Variants in RCN3 observed in about 807,000 individuals in gnomAD.
The protein encoded by RCN3 is reticulocalbin-3.
In RCN3, 41 loss-of-function variants were observed where a neutral mutation model predicts 35.9. That is an observed-to-expected ratio of 1.14 (90% CI 0.89 to 1.48). RCN3 has a LOEUF of 1.48. RCN3 is among the 40% of genes most tolerant of loss of function. The pLI is 0.00. For missense variants in RCN3, 451 were observed against 471.3 expected (o/e 0.96, Z 0.40); for synonymous variants, 187 against 193.4 (o/e 0.97, Z 0.27).
intron 6 of RCN3, 101 bp downstream of exon 6, chr19:49,542,853 T>C: frequency 8.7e-7 from 1 of 1,149,962 alleles, no homozygotes. Context: ...GGGTCCCTTT[T>C]AGGTGGGATA....
At chr19:49,536,435 G>A (rs2080135787) in intron 3 of RCN3, among the ~76,000 whole-genome samples, 1 of 150,504 alleles carries the variant, frequency 6.6e-6, no homozygotes, top group African/African-American at 2.4e-5. Context: ...CGAGTAGCTA[G>A]GACTACAGGC....
chr19:49,536,419 G>C (rs894913608), intron 3 of RCN3, among the ~76,000 whole-genome samples: 6 of 148,542 alleles, frequency 4.0e-5, no homozygotes, highest in African/African-American at 1.2e-4. Flanking sequence ...TCCTGCCTCA[G>C]CCTCACGAGT....
chr19:49,539,050 C>T, intron 4 of RCN3, 69 bp from the exon 5 acceptor site: 1 of 1,196,906 alleles, frequency 8.4e-7, no homozygotes, highest in Non-Finnish European at 1.2e-6. Flanking sequence ...CACTCTTACC[C>T]CAGGGGTCCA....
intron 2 of RCN3, 71 bp from the exon 3 acceptor site, chr19:49,534,122 G>T: frequency 7.4e-7 from 1 of 1,353,194 alleles, no homozygotes; most frequent in East Asian, 2.8e-5. Flanking sequence ...GTCCCAGGGG[G>T]CGTGGCCCGT....
chr19:49,528,444 C>CCCTG (rs747063677), intron 1 of RCN3, 23 bp from the exon 2 acceptor site: 1 of 1,477,772 alleles, frequency 6.8e-7, no homozygotes, highest in East Asian at 2.5e-5. Flanking sequence ...GACCCCTGAC[C>CCCTG]CCTGGCCTTT....
intron 2 of RCN3, among the ~76,000 whole-genome samples, chr19:49,531,054 T>C (rs1368174214): frequency 1.3e-5 from 2 of 152,108 alleles, no homozygotes; most frequent in East Asian, 1.9e-4. Flanking sequence ...TGGTGGTTCA[T>C]GTGTGTGATC....
At chr19:49,540,012 C>T (rs1402351602) in intron 5 of RCN3, among the ~76,000 whole-genome samples, 3 of 152,052 alleles carry the variant, frequency 2.0e-5, no homozygotes, top group African/African-American at 7.2e-5. Context: ...CGTGAGCAAC[C>T]ACGCCCGGCC....
intron 2 of RCN3, among the ~76,000 whole-genome samples, chr19:49,530,090 C>T (rs2122713993): frequency 6.6e-6 from 1 of 151,890 alleles, no homozygotes; most frequent in South Asian, 2.1e-4. Flanking sequence ...TAGCTAGAGT[C>T]CTAGCTACAA....
chr19:49,536,930 A>G (rs547315538), intron 3 of RCN3, 103 bp from the exon 4 acceptor site: 1 of 1,135,602 alleles, frequency 8.8e-7, no homozygotes, highest in Middle Eastern at 2.1e-4. Flanking sequence ...TATTAACTCC[A>G]CAGAAATCTT....
At position 49,534,328 on chromosome 19, in the gene RCN3, C is replaced by T; in HGVS notation, c.378C>T (p.Asp126=). 2 of 1,519,820 alleles carry T rather than the reference C, an allele frequency of 1.3e-6. No individual in the cohort carries two copies. Among genetic ancestry groups the T allele is most frequent in the South Asian group, 1.3e-5 (1 of 79,688 alleles). 94.1% of individuals were successfully genotyped at this position (1,519,820 alleles called of 1,614,324 possible). A position where few individuals can be genotyped will look rare whatever the true frequency, so the allele number is the denominator to read the frequency against. ...TGAGCGCGGCCTGGGACACGTACGA[C>T]ACGGACCGCGACGGGCGTGTGGGTT... The part of the protein sequence containing the change: ...DSVSAAWDTY[D]TDRDGRVGWE... The change falls in exon 3 of 7, where the codon GAC becomes GAT. Residue 126 remains aspartate, a synonymous_variant. Coordinates refer to ENST00000270645, the MANE Select transcript of RCN3 (RefSeq NM_020650.3).
chr19:49,530,889 T>G (rs2080105655), intron 2 of RCN3, among the ~76,000 whole-genome samples: 1 of 152,154 alleles, frequency 6.6e-6, no homozygotes, highest in Non-Finnish European at 1.5e-5. Context: ...GTGAATAGCA[T>G]TCCAGGCAGA....
intron 4 of RCN3, among the ~76,000 whole-genome samples, chr19:49,537,775 A>G (rs1248092321): frequency 6.6e-6 from 1 of 151,908 alleles, no homozygotes; most frequent in Non-Finnish European, 1.5e-5. Context: ...CTAGGATTAT[A>G]GGCATGAGCC....
In RCN3 at chr19:49,542,763, G is replaced by C. The variant is rs775910215; in HGVS notation, c.879+11G>C. 8.3e-6 allele frequency: 13 copies of C among 1,572,330 alleles called. No homozygotes were observed. The highest frequency in any genetic ancestry group is 1.1e-5 in the Non-Finnish European group (13 of 1,158,766). ...AGCGACACGGACAAGGTGCAGTGAC[G>C]GGGCCTCGGCAGGAGCGAGGAGCGG... is the stretch of plus-strand genomic sequence containing the variant. On this transcript the variant is annotated intron_variant, in intron 6 of 6. Coordinates refer to ENST00000270645, the MANE Select transcript of RCN3 (RefSeq NM_020650.3).
chr19:49,542,304 T>C (rs2080166371), intron 5 of RCN3, among the ~76,000 whole-genome samples: 1 of 152,240 alleles, frequency 6.6e-6, no homozygotes. Context: ...ACTTCACGTG[T>C]GTGTCAATGA....
At chr19:49,538,463 G>A (rs868391537) in intron 4 of RCN3, among the ~76,000 whole-genome samples, 5 of 151,330 alleles carry the variant, frequency 3.3e-5, no homozygotes, top group African/African-American at 4.9e-5. Context: ...CACCACGCCC[G>A]GCCATGCCTG....
intron 5 of RCN3, among the ~76,000 whole-genome samples, chr19:49,541,799 G>A (rs2080163930): frequency 6.7e-6 from 1 of 149,512 alleles, no homozygotes; most frequent in Admixed American, 6.7e-5. Flanking sequence ...GGCCAAGATG[G>A]TGAAACCCCG....
chr19:49,540,147 TTCTA>T (rs2080156497), intron 5 of RCN3, among the ~76,000 whole-genome samples: 5 of 151,470 alleles, frequency 3.3e-5, no homozygotes, highest in Admixed American at 2.0e-4. Context: ...CACTCTTTCT[TTCTA>T]TCTGTCTGTC....
intron 2 of RCN3, among the ~76,000 whole-genome samples, chr19:49,533,901 C>T (rs202141364): frequency 6.6e-6 from 1 of 151,588 alleles, no homozygotes; most frequent in East Asian, 1.9e-4. Flanking sequence ...GGGGCCGGCG[C>T]GGAGAGGGTG....
chr19:49,540,647 T>C (rs1238699621), intron 5 of RCN3, among the ~76,000 whole-genome samples: 1 of 150,880 alleles, frequency 6.6e-6, no homozygotes, highest in African/African-American at 2.4e-5. Context: ...GATGGGGTCT[T>C]GCCCTGTCGC....
Sources: allele counts gnomAD v4.1 joint callset (sites outside exome capture counted in the v4.1 genomes callset), GRCh38; gene constraint gnomAD v4.1.1; transcripts MANE v1.5; gene names NCBI Gene and HGNC (gene_info 2026-07-23, HGNC 2026-07-21).